Variants in DZIP3 observed in about 807,000 individuals in gnomAD.
The protein encoded by DZIP3 is E3 ubiquitin-protein ligase DZIP3.
In DZIP3, 118 loss-of-function variants were observed where a neutral mutation model predicts 162.0. That is an observed-to-expected ratio of 0.73 (90% CI 0.63 to 0.85). The LOEUF is 0.85. Among genes scored for constraint, DZIP3 ranks in the 40% least tolerant of loss-of-function variants. DZIP3 has a pLI of 0.00. For synonymous variants in DZIP3, 438 were observed against 458.6 expected, an observed-to-expected ratio of 0.96 and a Z score of 0.57; for missense variants, 1,331 against 1,407.0, an observed-to-expected ratio of 0.95 and a Z score of 0.86.
chr3:108,623,685 C>T (rs150654737), intron 5 of DZIP3, among the ~76,000 whole-genome samples: 13 of 152,324 alleles, frequency 8.5e-5, no homozygotes, highest in Admixed American at 2.6e-4. Flanking sequence ...TCCACTGGCT[C>T]CAAGCCCAGC....
chr3:108,607,127 C>G (rs894872992), intron 2 of DZIP3, among the ~76,000 whole-genome samples: 1 of 152,022 alleles, frequency 6.6e-6, no homozygotes, highest in Non-Finnish European at 1.5e-5. Context: ...TTCTTTTTAC[C>G]GTGGCACCTT....
intron 21 of DZIP3, 38 bp from the exon 22 acceptor site, chr3:108,669,643 T>C: frequency 6.3e-7 from 1 of 1,587,452 alleles, no homozygotes. Flanking sequence ...TGAGAAATAA[T>C]TTCTAACATC....
At position 108,632,971 on chromosome 3, in the gene DZIP3, A is replaced by G. The variant is rs1412006881; in HGVS notation, c.715A>G (p.Ile239Val). ...TTFKDLLNNF[I>V]KTTESNIMKQ... ...AATCTAGGATCTTCTTAATAATTTT[A>G]TCAAGACAACTGAAAGCAATATAAT... Residue 239 changes from isoleucine to valine, a missense_variant, in exon 9 of 33, where the codon ATC becomes GTC. Ile to Val is a conservative substitution (Grantham distance 29, BLOSUM62 3). Coordinates refer to ENST00000361582, the MANE Select transcript of DZIP3 (RefSeq NM_014648.4). 2.8e-6 allele frequency: 4 copies of G among 1,417,906 alleles called. No homozygotes were observed. Among genetic ancestry groups the G allele is most frequent in the Non-Finnish European group, 3.8e-6 (4 of 1,058,298 alleles). The allele number at this position is 1,417,906 out of a possible 1,614,324, so 87.8% of individuals were successfully genotyped here. A position where few individuals can be genotyped will look rare whatever the true frequency, so the allele number is the denominator to read the frequency against.
intron 6 of DZIP3, among the ~76,000 whole-genome samples, chr3:108,625,482 ACT>A (rs996846187): frequency 6.6e-6 from 1 of 152,036 alleles, no homozygotes; most frequent in African/African-American, 2.4e-5. Context: ...GCTGGACTTA[ACT>A]CCTGGGCTCA....
At chr3:108,678,782 T>G (rs1944203497) in intron 26 of DZIP3, among the ~76,000 whole-genome samples, 2 of 152,038 alleles carry the variant, frequency 1.3e-5, no homozygotes. Context: ...CAGATGACTT[T>G]GATATCACCA....
rs1942215587 is a variant in DZIP3, at chr3:108,637,621, G to C, written c.1064+73G>C. 3 of 1,302,606 alleles carry C rather than the reference G, an allele frequency of 2.3e-6. No homozygotes were observed. In the Admixed American group the frequency reaches 6.1e-5, roughly 26 times the overall value. 80.7% of individuals were successfully genotyped at this position (1,302,606 alleles called of 1,614,324 possible). ...TATTTTTTGGTTGCTTAATTCTTCT[G>C]TGTTTCTGTCACCTAATAGAGCTGC... is the stretch of plus-strand genomic sequence containing the variant. On this transcript the variant is annotated intron_variant, in intron 12 of 32. Coordinates refer to ENST00000361582, the MANE Select transcript of DZIP3 (RefSeq NM_014648.4).
chr3:108,636,375 G>T (rs1333069744), intron 10 of DZIP3, among the ~76,000 whole-genome samples: 2 of 151,874 alleles, frequency 1.3e-5, no homozygotes, highest in Non-Finnish European at 2.9e-5. Context: ...AGCAGCAAAT[G>T]CATTTTAGTC....
At chr3:108,675,704 T>C in intron 24 of DZIP3, 82 bp from the exon 25 acceptor site, 1 of 1,241,286 alleles carries the variant, frequency 8.1e-7, no homozygotes, top group Non-Finnish European at 1.1e-6. Context: ...ACATATATGC[T>C]AGAAAGCGTG....
At chr3:108,687,900 T>C in intron 28 of DZIP3, 76 bp from the exon 29 acceptor site, 1 of 1,571,890 alleles carries the variant, frequency 6.4e-7, no homozygotes, top group Non-Finnish European at 8.7e-7. Context: ...GGATTTTATA[T>C]CTCCTTTGGT....
intron 6 of DZIP3, among the ~76,000 whole-genome samples, chr3:108,624,933 G>A (rs1941526697): frequency 6.6e-6 from 1 of 151,510 alleles, no homozygotes; most frequent in Non-Finnish European, 1.5e-5. Flanking sequence ...TTTCTTCATA[G>A]CTTTGATATT....
At chr3:108,685,117 T>C (rs1037581644) in intron 27 of DZIP3, among the ~76,000 whole-genome samples, 1 of 152,178 alleles carries the variant, frequency 6.6e-6, no homozygotes, top group Non-Finnish European at 1.5e-5. Context: ...ACTCTGCTTA[T>C]TATTGTCGAG....
intron 19 of DZIP3, among the ~76,000 whole-genome samples, chr3:108,657,942 A>C (rs1943218327): frequency 6.6e-6 from 1 of 152,124 alleles, no homozygotes; most frequent in Non-Finnish European, 1.5e-5. Context: ...AGAGCTAACT[A>C]TCCTAAATAT....
intron 1 of DZIP3, among the ~76,000 whole-genome samples, chr3:108,596,017 G>T (rs1939695162): frequency 6.6e-6 from 1 of 152,200 alleles, no homozygotes; most frequent in Non-Finnish European, 1.5e-5. Context: ...AAAATTACAT[G>T]AATGATAGCG....
chr3:108,623,515 G>A (rs907560266), intron 5 of DZIP3, among the ~76,000 whole-genome samples: 4 of 152,124 alleles, frequency 2.6e-5, no homozygotes, highest in African/African-American at 9.7e-5. Context: ...TATTCAAGTG[G>A]CAAGGCAAAA....
chr3:108,676,096 A>T (rs1229789247), intron 25 of DZIP3, among the ~76,000 whole-genome samples: 1 of 151,816 alleles, frequency 6.6e-6, no homozygotes, highest in Non-Finnish European at 1.5e-5. Flanking sequence ...ATAAACTCAA[A>T]AATTGTGCCC....
chr3:108,596,023 T>TA (rs1939695291), intron 1 of DZIP3, among the ~76,000 whole-genome samples: 1 of 152,148 alleles, frequency 6.6e-6, no homozygotes. Flanking sequence ...ACATGAATGA[T>TA]AGCGGTAAGT....
chr3:108,605,097 T>C (rs1940262474), intron 1 of DZIP3, among the ~76,000 whole-genome samples: 1 of 152,008 alleles, frequency 6.6e-6, no homozygotes, highest in Non-Finnish European at 1.5e-5. Flanking sequence ...TGGTGAAAAA[T>C]GTGGGGTAGA....
At chr3:108,658,233 G>C (rs1291373373) in intron 19 of DZIP3, among the ~76,000 whole-genome samples, 1 of 152,088 alleles carries the variant, frequency 6.6e-6, no homozygotes, top group East Asian at 1.9e-4. Context: ...TGACCACATA[G>C]TTAGAAGTAA....
Position 108,595,721 on chromosome 3 carries a change from C to G in DZIP3, c.-73+5882C>G, listed in dbSNP as rs72943574. Among the ~76,000 whole-genome samples the G allele has an allele frequency of 6.1e-3, 922 of 152,102 alleles. 7 individuals carry two copies. Among genetic ancestry groups the G allele is most frequent in the Middle Eastern group, 0.037 (11 of 294 alleles). Reference sequence around the variant, plus strand: ...ATCCTGAATATATAATCTCTAGTAACCAGGGTTTAAGTAATAGTAGATGAA... The same window carrying G: ...ATCCTGAATATATAATCTCTAGTAAGCAGGGTTTAAGTAATAGTAGATGAA... On this transcript the variant is annotated intron_variant, in intron 1 of 32. Coordinates refer to ENST00000361582, the MANE Select transcript of DZIP3 (RefSeq NM_014648.4).
Sources: gnomAD v4.1 joint callset for allele counts (sites outside exome capture counted in the v4.1 genomes callset) on GRCh38, gnomAD v4.1.1 for gene constraint, MANE v1.5 for transcripts, NCBI Gene and HGNC (gene_info 2026-07-23, HGNC 2026-07-21) for gene names.